SASS6: variants seen among roughly 807,000 people sequenced by gnomAD.
The protein encoded by SASS6 is SAS-6 centriolar assembly protein.
SASS6 carries 59 observed loss-of-function variants against 94.9 expected under a neutral mutation model. That is an observed-to-expected ratio of 0.62 (90% CI 0.50 to 0.77). The LOEUF (loss-of-function observed/expected upper bound fraction) is 0.77. Among genes scored for constraint, SASS6 ranks in the 30% least tolerant of loss-of-function variants. The pLI, the probability that SASS6 is intolerant of heterozygous loss-of-function variation, is 0.00. For synonymous variants in SASS6, 264 were observed against 270.0 expected, an observed-to-expected ratio of 0.98 and a Z score of 0.22; for missense variants, 698 against 734.1, an observed-to-expected ratio of 0.95 and a Z score of 0.57.
intron 8 of SASS6, among the ~76,000 whole-genome samples, chr1:100,108,543 A>G (rs1474029163): frequency 6.6e-6 from 1 of 152,024 alleles, no homozygotes. Flanking sequence ...TTTTTAAAAA[A>G]TCTACAATAG....
At chr1:100,088,093 G>T in intron 15 of SASS6, 46 bp downstream of exon 15, 1 of 974,696 alleles carries the variant, frequency 1.0e-6, no homozygotes, top group Non-Finnish European at 1.7e-6. Context: ...CTGTAAGATG[G>T]CCTTCAAAAT....
At chr1:100,093,174 CTTTT>C (rs909537970) in intron 14 of SASS6, among the ~76,000 whole-genome samples, 9 of 87,418 alleles carry the variant, frequency 1.0e-4, no homozygotes, top group African/African-American at 2.2e-4. Context: ...CTATTGTTTT[CTTTT>C]TTTTTTTTTT....
At chr1:100,111,183 A>G (rs1251240919) in intron 7 of SASS6, among the ~76,000 whole-genome samples, 2 of 152,024 alleles carry the variant, frequency 1.3e-5, no homozygotes, top group African/African-American at 4.8e-5. Context: ...GGAAACACAA[A>G]TAACCCATAA....
Position 100,084,734 on chromosome 1 carries a change from T to A in SASS6, c.*594A>T, listed in dbSNP as rs1311163601. 1 of 152,164 alleles carries A rather than the reference T, an allele frequency of 6.6e-6. No homozygotes were observed. Among genetic ancestry groups the A allele is most frequent in the East Asian group, 1.9e-4 (1 of 5,204 alleles). 9.4% of individuals were successfully genotyped at this position (152,164 alleles called of 1,614,324 possible). A position where few individuals can be genotyped will look rare whatever the true frequency, so the allele number is the denominator to read the frequency against. On this transcript the variant is annotated 3_prime_UTR_variant, in exon 17 of 17. Coordinates refer to ENST00000287482, the MANE Select transcript of SASS6 (RefSeq NM_194292.3). ...AACTGTCCAAATTATTTTAAGTATA[T>A]CAAATTTATTTGATTCATCACTAGC...
chr1:100,092,877 C>T (rs114175500), intron 14 of SASS6, among the ~76,000 whole-genome samples: 1,642 of 152,076 alleles, frequency 0.011, 30 homozygotes, highest in African/African-American at 0.038. Context: ...ACCCAGCCCA[C>T]TCCAGAGTTT....
intron 14 of SASS6, 104 bp from the exon 15 acceptor site, chr1:100,088,340 G>C (rs1651451531): frequency 1.7e-6 from 1 of 602,084 alleles, no homozygotes; most frequent in South Asian, 2.0e-5. Flanking sequence ...GCTTAAGCTG[G>C]AGTAAAGTGG....
At chr1:100,085,801 T>C (rs930169450) in intron 15 of SASS6, among the ~76,000 whole-genome samples, 171 bp from the exon 16 acceptor site, 1 of 152,136 alleles carries the variant, frequency 6.6e-6, no homozygotes, top group African/African-American at 2.4e-5. Context: ...ATTTTATACA[T>C]AAACCAAAGT....
chr1:100,120,966 C>T (rs1469547555), intron 5 of SASS6, among the ~76,000 whole-genome samples: 1 of 147,060 alleles, frequency 6.8e-6, no homozygotes, highest in Non-Finnish European at 1.5e-5. Context: ...AGGAGAATGG[C>T]GTGAACCCGG....
At chr1:100,124,769 A>G (rs1312098577) in intron 2 of SASS6, among the ~76,000 whole-genome samples, 1 of 152,102 alleles carries the variant, frequency 6.6e-6, no homozygotes, top group African/African-American at 2.4e-5. Context: ...TTTTTCCAAG[A>G]ATTAGGGAGT....
At chr1:100,123,480 G>A (rs750715938) in intron 2 of SASS6, among the ~76,000 whole-genome samples, 191 bp from the exon 3 acceptor site, 13 of 152,090 alleles carry the variant, frequency 8.5e-5, no homozygotes, top group African/African-American at 1.9e-4. Context: ...TAGACATTCC[G>A]CTCTTTAAAA....
chr1:100,104,665 GC>G (rs776629123), intron 13 of SASS6, among the ~76,000 whole-genome samples: 12 of 151,946 alleles, frequency 7.9e-5, no homozygotes, highest in African/African-American at 4.8e-5. Flanking sequence ...TCACCACGTT[GC>G]CCAGGCTGAC....
At chr1:100,115,468 GA>G (rs1653725414) in intron 7 of SASS6, among the ~76,000 whole-genome samples, 2 of 152,102 alleles carry the variant, frequency 1.3e-5, no homozygotes, top group Non-Finnish European at 2.9e-5. Flanking sequence ...CACTGAACGA[GA>G]AAATGAGATC....
intron 1 of SASS6, among the ~76,000 whole-genome samples, chr1:100,130,684 G>A (rs1394622539): frequency 1.6e-5 from 1 of 63,240 alleles, no homozygotes; most frequent in Admixed American, 2.2e-4. Flanking sequence ...GCGAGACTCT[G>A]TCTAGAAAAA....
intron 14 of SASS6, among the ~76,000 whole-genome samples, chr1:100,093,927 TAAGA>T (rs1216610181): frequency 2.0e-5 from 3 of 152,034 alleles, no homozygotes; most frequent in Non-Finnish European, 4.4e-5. Context: ...TCTTCTACCT[TAAGA>T]AAGTAAGAAA....
chr1:100,117,221 G>A (rs111290972), intron 7 of SASS6, among the ~76,000 whole-genome samples: 2,751 of 151,684 alleles, frequency 0.018, 37 homozygotes, highest in Middle Eastern at 0.041. Context: ...GAACCTGGGA[G>A]GCAAAGGTTG....
intron 7 of SASS6, among the ~76,000 whole-genome samples, chr1:100,114,891 C>A (rs913993527): frequency 6.6e-6 from 1 of 152,018 alleles, no homozygotes; most frequent in African/African-American, 2.4e-5. Context: ...GGAAAAATGA[C>A]GTAATTATTT....
intron 7 of SASS6, among the ~76,000 whole-genome samples, chr1:100,111,048 T>C (rs72973331): frequency 0.033 from 5,018 of 152,120 alleles, 302 homozygotes; most frequent in African/African-American, 0.11. Flanking sequence ...AGTGCCTGTC[T>C]GAATCGTATC....
chr1:100,125,669 CAAAAAA>C (rs11299065), intron 2 of SASS6, among the ~76,000 whole-genome samples: 2 of 80,360 alleles, frequency 2.5e-5, no homozygotes, highest in African/African-American at 4.4e-5. Flanking sequence ...GACTCCATCT[CAAAAAA>C]AAAAAAAAAA....
intron 2 of SASS6, among the ~76,000 whole-genome samples, chr1:100,123,775 C>T (rs1297724411): frequency 1.3e-5 from 2 of 152,214 alleles, no homozygotes; most frequent in Non-Finnish European, 2.9e-5. Flanking sequence ...TCAGGTAACA[C>T]GTTGCCAGGC....
Sources: gnomAD v4.1 joint callset for allele counts (sites outside exome capture counted in the v4.1 genomes callset) on GRCh38, gnomAD v4.1.1 for gene constraint, MANE v1.5 for transcripts, NCBI Gene and HGNC (gene_info 2026-07-23, HGNC 2026-07-21) for gene names.